COL22A1: variants seen among roughly 807,000 people sequenced by gnomAD.
COL22A1 encodes the protein collagen alpha-1(XXII) chain.
In COL22A1, 221 loss-of-function variants were observed where a neutral mutation model predicts 248.9. The observed-to-expected ratio is 0.89, with a 90% CI of 0.80 to 0.99. The LOEUF is 0.99. Among genes scored for constraint, COL22A1 ranks in the 50% least tolerant of loss-of-function variants. The probability of loss-of-function intolerance (pLI) is 0.00; values close to 1 mark genes in which losing one functional copy is unlikely to be tolerated. For synonymous variants in COL22A1, 891 were observed against 793.4 expected (o/e 1.12, Z -2.07); for missense variants, 2,240 against 2,179.0 (o/e 1.03, Z -0.56).
chr8:138,705,323 A>G (rs1159209245), intron 30 of COL22A1, among the ~76,000 whole-genome samples: 2 of 152,204 alleles, frequency 1.3e-5, no homozygotes, highest in Admixed American at 1.3e-4. Flanking sequence ...TCCAAGACAC[A>G]TAATTGTCAG....
In COL22A1 at chr8:138,680,986, C is replaced by T. The variant is rs990338145; in HGVS notation, c.3013-1310G>A. ...CCATGTCAGGGATGTCTGCACTCTT[C>T]CCCCCGGGGGGGGTCTCAGCCTGCC... On this transcript the variant is annotated intron_variant, in intron 39 of 64. Coordinates refer to ENST00000303045, the MANE Select transcript of COL22A1 (RefSeq NM_152888.3). Among the ~76,000 whole-genome samples the T allele has an allele frequency of 7.9e-5, 12 of 152,160 alleles. 1 individual carries two copies. The highest frequency in any genetic ancestry group is 2.9e-4 in the African/African-American group (12 of 41,524).
chr8:138,859,313 G>T (rs1318428725), intron 3 of COL22A1, among the ~76,000 whole-genome samples: 1 of 152,228 alleles, frequency 6.6e-6, no homozygotes, highest in Non-Finnish European at 1.5e-5. Flanking sequence ...GCTGGGCTCA[G>T]CCCTCCACCT....
rs77067007 is a variant in COL22A1 at position 138,646,598 on chromosome 8, T to G, written c.3501+31A>C. 29 of 1,528,808 alleles carry G rather than the reference T, an allele frequency of 1.9e-5. No homozygotes were observed. In the East Asian group the frequency reaches 5.9e-4, roughly 31 times the overall value. 94.7% of individuals were successfully genotyped at this position (1,528,808 alleles called of 1,614,324 possible). On this transcript the variant is annotated intron_variant, in intron 47 of 64. Transcript: ENST00000303045. Reference sequence around the variant, plus strand: ...TAACCATTGAGATGAGCAGAATAGATCCATGCAGATGGTTATGAAGTCTCA... The same window carrying G: ...TAACCATTGAGATGAGCAGAATAGAGCCATGCAGATGGTTATGAAGTCTCA...
chr8:138,877,349 T>C (rs1029299940), intron 3 of COL22A1, among the ~76,000 whole-genome samples: 2 of 152,250 alleles, frequency 1.3e-5, no homozygotes, highest in East Asian at 1.9e-4. Context: ...AGGCCAGACT[T>C]TGCATGCACA....
chr8:138,844,672 C>CT (rs968105662), intron 3 of COL22A1, among the ~76,000 whole-genome samples: 19 of 152,140 alleles, frequency 1.2e-4, no homozygotes, highest in African/African-American at 3.9e-4. Context: ...TGCACATGTC[C>CT]GGGCGCGGTG....
chr8:138,809,528 C>CTTTTT (rs71518485), intron 9 of COL22A1, among the ~76,000 whole-genome samples: 7 of 117,652 alleles, frequency 5.9e-5, no homozygotes, highest in African/African-American at 2.3e-4. Flanking sequence ...TTTTCTTTTT[C>CTTTTT]TTTTTTTTTT....
intron 6 of COL22A1, among the ~76,000 whole-genome samples, 187 bp from the exon 7 acceptor site, chr8:138,821,598 C>A (rs1819139774): frequency 6.6e-6 from 1 of 152,160 alleles, no homozygotes; most frequent in South Asian, 2.1e-4. Flanking sequence ...CCTCGGGTTC[C>A]TCCTCGCACA....
At chr8:138,720,575 G>C (rs1289230575) in intron 27 of COL22A1, among the ~76,000 whole-genome samples, 164 bp downstream of exon 27, 1 of 152,098 alleles carries the variant, frequency 6.6e-6, no homozygotes, top group African/African-American at 2.4e-5. Flanking sequence ...TTGTCATCCT[G>C]GTTGGAGCCC....
intron 16 of COL22A1, 72 bp downstream of exon 16, chr8:138,775,894 C>T (rs1814406936): frequency 5.1e-6 from 7 of 1,373,608 alleles, no homozygotes; most frequent in African/African-American, 1.4e-5. Context: ...ATACACAGAG[C>T]AGATGGTTCC....
intron 10 of COL22A1, 106 bp from the exon 11 acceptor site, chr8:138,803,040 C>G: frequency 1.2e-6 from 1 of 858,620 alleles, no homozygotes. Flanking sequence ...CTAGAAGCAG[C>G]TGACTTCATC....
At chr8:138,711,485 G>A (rs1001453668) in intron 30 of COL22A1, among the ~76,000 whole-genome samples, 6 of 152,176 alleles carry the variant, frequency 3.9e-5, no homozygotes, top group African/African-American at 1.4e-4. Context: ...GTAATCAAAG[G>A]GGCTTTATGG....
At chr8:138,766,970 G>T (rs1281670509) in intron 16 of COL22A1, among the ~76,000 whole-genome samples, 6 of 152,184 alleles carry the variant, frequency 3.9e-5, no homozygotes, top group Non-Finnish European at 8.8e-5. Flanking sequence ...CTGAGAGTGA[G>T]ACCCCGGGCT....
intron 15 of COL22A1, among the ~76,000 whole-genome samples, chr8:138,776,973 C>T (rs953835300): frequency 1.3e-5 from 2 of 152,170 alleles, no homozygotes; most frequent in African/African-American, 4.8e-5. Flanking sequence ...ACAGATTACA[C>T]GGTGAGGCAC....
chr8:138,621,822 T>A (rs2131946940), intron 52 of COL22A1, among the ~76,000 whole-genome samples: 1 of 152,320 alleles, frequency 6.6e-6, no homozygotes, highest in Middle Eastern at 3.4e-3. Flanking sequence ...TCAGCCACAG[T>A]GTGATATGTG....
chr8:138,598,487 G>A (rs1038705507), intron 61 of COL22A1, among the ~76,000 whole-genome samples: 4 of 152,222 alleles, frequency 2.6e-5, no homozygotes, highest in Non-Finnish European at 5.9e-5. Flanking sequence ...CATTTCTTAA[G>A]CTAGACACGT....
Position 138,744,467 on chromosome 8 carries a change from T to TAC in COL22A1, c.2086-6892_2086-6891dup, listed in dbSNP as rs1382396404. Reference sequence around the variant, plus strand: ...GTTAGAATTCTGATATGCACATGGATACACACACACACACCACACACACAC... The same window carrying TAC: ...GTTAGAATTCTGATATGCACATGGATACACACACACACACACCACACACACAC... On this transcript the variant is annotated intron_variant, in intron 22 of 64. Transcript: ENST00000303045. Among the ~76,000 whole-genome samples, 34 of 148,166 alleles carry TAC rather than the reference T, an allele frequency of 2.3e-4. No homozygotes were observed. The South Asian group carries it at 3.6e-3, about 16-fold the overall frequency.
chr8:138,796,868 G>T lies in COL22A1; in HGVS notation c.1558-11C>A, dbSNP rs11992887. The T allele has an allele frequency of 0.25, 390,330 of 1,559,788 alleles. 50,827 individuals carry two copies. The highest frequency in any genetic ancestry group is 0.32 in the South Asian group (28,731 of 89,734). Reference sequence around the variant, plus strand: ...AAAAGGTCCTATGCCCTAGAAAAATGAAAGAAGGCAAAGATTCACTACAGA... The same window carrying T: ...AAAAGGTCCTATGCCCTAGAAAAATTAAAGAAGGCAAAGATTCACTACAGA... On this transcript the variant is annotated splice_polypyrimidine_tract_variant and intron_variant, in intron 11 of 64. Transcript: ENST00000303045.
intron 22 of COL22A1, among the ~76,000 whole-genome samples, chr8:138,742,978 G>C (rs1316095448): frequency 2.0e-5 from 3 of 151,302 alleles, no homozygotes; most frequent in African/African-American, 7.3e-5. Flanking sequence ...TGGTAGTAGT[G>C]ATTATGATGG....
At chr8:138,708,014 C>A (rs766914144) in intron 30 of COL22A1, among the ~76,000 whole-genome samples, 6 of 152,160 alleles carry the variant, frequency 3.9e-5, no homozygotes, top group Non-Finnish European at 8.8e-5. Flanking sequence ...AGAGCCAAAT[C>A]ACGAGTGAAC....
Sources: gnomAD v4.1 joint callset for allele counts (sites outside exome capture counted in the v4.1 genomes callset) on GRCh38, gnomAD v4.1.1 for gene constraint, MANE v1.5 for transcripts, NCBI Gene and HGNC (gene_info 2026-07-23, HGNC 2026-07-21) for gene names.